The following DNAJA2 variants were observed in gnomAD, a reference collection of about 807,000 sequenced individuals.
DNAJA2 encodes DnaJ heat shock protein family (Hsp40) member A2.
Under a neutral mutation model 49.3 loss-of-function variants are expected in DNAJA2, and 6 were observed. The ratio of observed to expected loss-of-function variants is 0.12; its 90% CI spans 0.07 to 0.24. DNAJA2 has a LOEUF of 0.24. Ranked by LOEUF, DNAJA2 falls within the 10% of genes least tolerant of loss-of-function variation. The probability of loss-of-function intolerance (pLI) is 1.00; values close to 1 mark genes in which losing one functional copy is unlikely to be tolerated. For synonymous variants in DNAJA2, 160 were observed against 172.7 expected (o/e 0.93, Z 0.58); for missense variants, 347 against 516.8 (o/e 0.67, Z 3.19).
chr16:46,972,007 G>T, intron 1 of DNAJA2, 52 bp from the exon 2 acceptor site: 1 of 1,259,888 alleles, frequency 7.9e-7, no homozygotes, highest in Non-Finnish European at 1.2e-6. Context: ...CCAGTTAAAA[G>T]TTTTGTAATA....
At position 46,967,950 on chromosome 16, in the gene DNAJA2, T is replaced by C; in HGVS notation, c.443+134A>G. Reference sequence around the variant, plus strand: ...CACCCGACTCGGCCTCCCAAAGTGCTGGGATTTCAGGTGTGAGCCACCGCA... The same window carrying C: ...CACCCGACTCGGCCTCCCAAAGTGCCGGGATTTCAGGTGTGAGCCACCGCA... On this transcript the variant is annotated intron_variant, in intron 4 of 8. Coordinates refer to ENST00000317089, the MANE Select transcript of DNAJA2 (RefSeq NM_005880.4). The C allele has an allele frequency of 4.5e-6, 4 of 898,422 alleles. No individual in the cohort carries two copies. In the South Asian group the frequency reaches 7.1e-5, roughly 16 times the overall value. The allele number at this position is 898,422 out of a possible 1,614,324, so 55.7% of individuals were successfully genotyped here. A position where few individuals can be genotyped will look rare whatever the true frequency, so the allele number is the denominator to read the frequency against.
chr16:46,965,553 G>A (rs547651697), intron 5 of DNAJA2, among the ~76,000 whole-genome samples: 2 of 152,248 alleles, frequency 1.3e-5, no homozygotes, highest in East Asian at 1.9e-4. Flanking sequence ...AATAGTGGCC[G>A]GGCATGGTGG....
chr16:46,958,908 C>T, intron 8 of DNAJA2, 95 bp downstream of exon 8: 6 of 1,405,444 alleles, frequency 4.3e-6, no homozygotes, highest in Non-Finnish European at 5.8e-6. Flanking sequence ...CACACCACTA[C>T]ACCCCAGCCT....
intron 6 of DNAJA2, among the ~76,000 whole-genome samples, chr16:46,963,010 A>T (rs1161122574): frequency 6.6e-6 from 1 of 152,246 alleles, no homozygotes; most frequent in Admixed American, 6.5e-5. Context: ...TCTTTATCAA[A>T]TATAACCTTT....
At chr16:46,973,062 G>C (rs532231140) in intron 1 of DNAJA2, 1 of 152,102 alleles carries the variant, frequency 6.6e-6, no homozygotes, top group South Asian at 2.1e-4. Flanking sequence ...CACCAGACCC[G>C]GGGCCGACGG....
intron 3 of DNAJA2, among the ~76,000 whole-genome samples, chr16:46,971,045 AAAAG>A (rs1348747100): frequency 4.6e-5 from 7 of 151,890 alleles, no homozygotes; most frequent in Non-Finnish European, 7.4e-5. Context: ...CAAAAAAAAA[AAAAG>A]AGAGAGAGAG....
At position 46,964,823 on chromosome 16, in the gene DNAJA2, A is replaced by G; in HGVS notation, c.578-16T>C. ...ATTACCTCTCCTGGAAAGAGAAGTC[A>G]TTGAAACTTTCAGCAAGAGTACTAT... On this transcript the variant is annotated splice_polypyrimidine_tract_variant and intron_variant, in intron 5 of 8. Coordinates refer to ENST00000317089, the MANE Select transcript of DNAJA2 (RefSeq NM_005880.4). The G allele has an allele frequency of 6.2e-7, 1 of 1,605,574 alleles. No homozygotes were observed. Among genetic ancestry groups the G allele is most frequent in the Non-Finnish European group, 8.5e-7 (1 of 1,174,178 alleles).
intron 1 of DNAJA2, chr16:46,972,195 C>A: frequency 2.2e-6 from 1 of 464,530 alleles, no homozygotes. Flanking sequence ...CCAGATAAAA[C>A]AATGAAGCAA....
chr16:46,971,598 A>T (rs369388047), intron 2 of DNAJA2, 26 bp from the exon 3 acceptor site: 1,760 of 1,505,734 alleles, frequency 1.2e-3, no homozygotes, highest in Non-Finnish European at 1.5e-3. Flanking sequence ...AAAAATAAAA[A>T]TAATTGCATT....
chr16:46,958,597 C>A (rs369576532), intron 8 of DNAJA2: 3,401 of 118,256 alleles, frequency 0.029, 61 homozygotes, highest in South Asian at 0.058. Context: ...AACAAAAAAA[C>A]CCCATAAACA....
Position 46,973,613 on chromosome 16 carries a change from C to A in DNAJA2, c.-41G>T. The A allele has an allele frequency of 6.3e-7, 1 of 1,580,670 alleles. No homozygotes were observed. The highest frequency in any genetic ancestry group is 8.5e-7 in the Non-Finnish European group (1 of 1,170,046). On this transcript the variant is annotated 5_prime_UTR_variant, in exon 1 of 9. Transcript: ENST00000317089. ...AGTGCTCGGGGAGAAGGTGGCGAAGCAGACAGAGCGGAGTCGGGCCCACAA... is the reference window on the plus strand; with the variant it reads ...AGTGCTCGGGGAGAAGGTGGCGAAGAAGACAGAGCGGAGTCGGGCCCACAA...
intron 4 of DNAJA2, 101 bp from the exon 5 acceptor site, chr16:46,967,747 A>G: frequency 6.9e-7 from 1 of 1,448,146 alleles, no homozygotes; most frequent in Non-Finnish European, 9.5e-7. Context: ...TTCAACCCCA[A>G]TAACTTGTAT....
At chr16:46,967,772 A>G (rs1193510711) in intron 4 of DNAJA2, 126 bp from the exon 5 acceptor site, 4 of 1,287,916 alleles carry the variant, frequency 3.1e-6, no homozygotes. Flanking sequence ...ATTGACTTCC[A>G]GAAGTATCAG....
At chr16:46,963,449 G>T (rs1440351715) in intron 6 of DNAJA2, among the ~76,000 whole-genome samples, 1 of 151,240 alleles carries the variant, frequency 6.6e-6, no homozygotes, top group Non-Finnish European at 1.5e-5. Context: ...CAGGAGGATC[G>T]CTTGAGCTCA....
chr16:46,971,666 A>AAAAAAAAG (rs1294424968), intron 2 of DNAJA2, 94 bp from the exon 3 acceptor site: 1 of 997,540 alleles, frequency 1.0e-6, no homozygotes, highest in Non-Finnish European at 1.5e-6. Context: ...AATTCTAAAA[A>AAAAAAAAG]AAAAAAAAAA....
At position 46,968,181 on chromosome 16, in the gene DNAJA2, C is replaced by T. The variant is rs757500312; in HGVS notation, c.363-17G>A. 3.2e-6 allele frequency: 5 copies of T among 1,562,656 alleles called. No individual in the cohort carries two copies. The South Asian group carries it at 3.6e-5, about 11-fold the overall frequency. On this transcript the variant is annotated splice_polypyrimidine_tract_variant and intron_variant, in intron 3 of 8. Coordinates refer to ENST00000317089, the MANE Select transcript of DNAJA2 (RefSeq NM_005880.4). ...AAAGATACTCTGGAAAGAAAAGAAT[C>T]GGCTTCAATCAAATTTTGCCACATT...
chr16:46,961,896 G>C (rs1263865061), intron 6 of DNAJA2, among the ~76,000 whole-genome samples: 1 of 151,744 alleles, frequency 6.6e-6, no homozygotes, highest in Non-Finnish European at 1.5e-5. Flanking sequence ...CAGGTTCTGT[G>C]GTTTGATGCT....
chr16:46,965,433 C>T (rs972843134), intron 5 of DNAJA2, among the ~76,000 whole-genome samples: 2 of 152,134 alleles, frequency 1.3e-5, no homozygotes, highest in Non-Finnish European at 2.9e-5. Flanking sequence ...TGGCTAATTA[C>T]CAGCACATTT....
rs1287426031 is a variant in DNAJA2 at position 46,957,103 on chromosome 16, C to T, written c.1165G>A (p.Glu389Lys). The T allele has an allele frequency of 1.2e-6, 2 of 1,614,194 alleles. No homozygotes were observed. The highest frequency in any genetic ancestry group is 1.7e-6 in the Non-Finnish European group (2 of 1,180,032). The change falls in exon 9 of 9, where the codon GAA (glutamate) becomes AAA (lysine). Residue 389 changes from glutamate to lysine, a missense_variant. Glu to Lys is a moderately conservative substitution (Grantham distance 56, BLOSUM62 1). Coordinates refer to ENST00000317089, the MANE Select transcript of DNAJA2 (RefSeq NM_005880.4). ...TRGSGGGQRR[E>K]AYNDSSDEES... Reference sequence around the variant, plus strand: ...TCATCAGAGCTATCATTATAGGCTTCACGCCTCTGACCACCTCCTGAGCCT... The same window carrying T: ...TCATCAGAGCTATCATTATAGGCTTTACGCCTCTGACCACCTCCTGAGCCT...
Sources: allele counts gnomAD v4.1 joint callset (sites outside exome capture counted in the v4.1 genomes callset), GRCh38; gene constraint gnomAD v4.1.1; transcripts MANE v1.5; gene names NCBI Gene and HGNC (gene_info 2026-07-23, HGNC 2026-07-21).